PCDH15: variants seen among roughly 807,000 people sequenced by gnomAD.
The protein encoded by PCDH15 is protocadherin related 15, also known as protocadherin-15.
In PCDH15, 129 loss-of-function variants were observed where a neutral mutation model predicts 178.5. That is an observed-to-expected ratio of 0.72 (90% CI 0.63 to 0.84). The LOEUF is 0.84. PCDH15 is among the 40% of genes least tolerant of loss of function. The probability of loss-of-function intolerance (pLI) is 0.00; values close to 1 mark genes in which losing one functional copy is unlikely to be tolerated. For synonymous variants in PCDH15, 800 were observed against 732.0 expected (o/e 1.09, Z -1.50); for missense variants, 2,230 against 2,099.9 (o/e 1.06, Z -1.21).
intron 3 of PCDH15, among the ~76,000 whole-genome samples, chr10:54,838,427 C>G (rs972966875): frequency 2.6e-5 from 4 of 152,070 alleles, no homozygotes; most frequent in Non-Finnish European, 5.9e-5. Flanking sequence ...GGTGCCTTTG[C>G]TTCTCCTTCA....
At chr10:55,578,280 C>T (rs1280076988) in intron 2 of PCDH15, among the ~76,000 whole-genome samples, 3 of 151,982 alleles carry the variant, frequency 2.0e-5, no homozygotes, top group Admixed American at 1.3e-4. Flanking sequence ...TGCAGTGGCG[C>T]GAATTCAGCT....
intron 2 of PCDH15, among the ~76,000 whole-genome samples, chr10:55,592,793 G>C (rs752591967): frequency 6.6e-6 from 1 of 151,934 alleles, no homozygotes; most frequent in East Asian, 1.9e-4. Flanking sequence ...ATTTAATTAT[G>C]TAATATATTT....
At chr10:54,482,756 A>G (rs11819545) in intron 3 of PCDH15, among the ~76,000 whole-genome samples, 5,772 of 151,908 alleles carry the variant, frequency 0.038, 354 homozygotes, top group African/African-American at 0.13. Flanking sequence ...CTATGCCCAT[A>G]TATCACCCCT....
chr10:55,125,399 AT>A (rs1418226645), intron 2 of PCDH15, among the ~76,000 whole-genome samples: 1 of 152,040 alleles, frequency 6.6e-6, no homozygotes, highest in African/African-American at 2.4e-5. Flanking sequence ...CTGGAGAGGC[AT>A]TCAATTAAAA....
chr10:54,586,223 A>G (rs1203905408), intron 2 of PCDH15, among the ~76,000 whole-genome samples: 6 of 152,174 alleles, frequency 3.9e-5, no homozygotes, highest in Non-Finnish European at 2.9e-5. Context: ...ATTTTGACAG[A>G]TTAAAAAGTG....
chr10:53,852,111 C>G (rs1482992497), intron 28 of PCDH15, among the ~76,000 whole-genome samples: 2 of 151,898 alleles, frequency 1.3e-5, no homozygotes, highest in African/African-American at 2.4e-5. Flanking sequence ...AATTTTAGAA[C>G]CACAGATTCC....
intron 3 of PCDH15, among the ~76,000 whole-genome samples, chr10:54,428,643 T>A (rs1030423968): frequency 6.6e-5 from 10 of 151,912 alleles, no homozygotes; most frequent in African/African-American, 2.4e-4. Flanking sequence ...CATTCGATAA[T>A]CATACTCCCA....
At chr10:55,252,972 G>T (rs979068169) in intron 1 of PCDH15, among the ~76,000 whole-genome samples, 1 of 152,038 alleles carries the variant, frequency 6.6e-6, no homozygotes, top group Non-Finnish European at 1.5e-5. Context: ...ATAAATTTTT[G>T]TCCAATCATG....
intron 8 of PCDH15, among the ~76,000 whole-genome samples, chr10:54,279,536 CT>C (rs1406685358): frequency 2.0e-5 from 3 of 151,662 alleles, no homozygotes; most frequent in African/African-American, 7.2e-5. Context: ...AAGAAAACTA[CT>C]TTACTTTGTT....
intron 6 of PCDH15, among the ~76,000 whole-genome samples, chr10:54,334,432 GCAC>G (rs1940591748): frequency 6.6e-6 from 1 of 152,104 alleles, no homozygotes; most frequent in Non-Finnish European, 1.5e-5. Context: ...ATATGGGTTT[GCAC>G]CAGTTTAGAT....
At position 54,096,936 on chromosome 10, in the gene PCDH15, C is replaced by T. The variant is rs1451192294; in HGVS notation, c.1918-6873G>A. On this transcript the variant is annotated intron_variant, in intron 15 of 37. Transcript: ENST00000644397. ...AATGACAAATCAATGTTTCCAGTTA[C>T]TCAAGCTGTATCTTAATACCTATTC... Among the ~76,000 whole-genome samples, 3 of 152,204 alleles carry T rather than the reference C, an allele frequency of 2.0e-5. No homozygotes were observed. The East Asian group carries it at 5.8e-4, about 29-fold the overall frequency.
intron 1 of PCDH15, among the ~76,000 whole-genome samples, chr10:54,715,678 C>T (rs1316268307): frequency 1.3e-5 from 2 of 152,012 alleles, no homozygotes; most frequent in African/African-American, 4.8e-5. Context: ...CCATTCTTTT[C>T]CCACACAGAC....
intron 18 of PCDH15, among the ~76,000 whole-genome samples, chr10:54,043,769 C>T (rs2093599930): frequency 6.6e-6 from 1 of 152,094 alleles, no homozygotes; most frequent in Admixed American, 6.6e-5. Flanking sequence ...GAGAGCTGGT[C>T]TGGGCACATG....
At chr10:55,563,632 A>G (rs1441416547) in intron 2 of PCDH15, among the ~76,000 whole-genome samples, 2 of 151,942 alleles carry the variant, frequency 1.3e-5, no homozygotes, top group African/African-American at 4.8e-5. Flanking sequence ...AAACAGATAA[A>G]GCAAAATAGA....
At chr10:55,491,106 G>C (rs1239791300) in intron 2 of PCDH15, among the ~76,000 whole-genome samples, 1 of 151,752 alleles carries the variant, frequency 6.6e-6, no homozygotes, top group Non-Finnish European at 1.5e-5. Flanking sequence ...TGGCATTTCA[G>C]TCACAATCTG....
rs372728103 is a variant in PCDH15 at position 55,443,511 on chromosome 10, G to A, written c.-156+184114C>T. 5.2e-3 allele frequency among the ~76,000 whole-genome samples: 795 copies of A among 152,062 alleles called. 8 individuals carry two copies. Among genetic ancestry groups the A allele is most frequent in the African/African-American group, 0.018 (755 of 41,500 alleles). On this transcript the variant is annotated intron_variant, in intron 2 of 5. Transcript: ENST00000613346. ...ACTTCTCAAAAGAAGACATTATTGC[G>A]GCCAAAAACCATATGAAATAAAAGC...
intron 3 of PCDH15, among the ~76,000 whole-genome samples, chr10:54,478,898 G>T (rs367891970): frequency 9.5e-4 from 144 of 150,786 alleles, no homozygotes; most frequent in African/African-American, 3.4e-3. Flanking sequence ...AGGCAAAATA[G>T]AAATAACAGA....
In PCDH15 at chr10:54,378,917, C is replaced by A. The variant is rs1756531469; in HGVS notation, c.183G>T (p.Leu61=). ...RNGTILVDNM[L]IKGTAGGPDP... ...CTGGTCCTCCAGCAGTCCCTTTGAT[C>A]AGCATGTTGTCCACCAGAATTGTAC... is the stretch of plus-strand genomic sequence containing the variant. Residue 61 remains leucine (L), a synonymous_variant, in exon 4 of 38, where the codon CTG becomes CTT. Coordinates refer to ENST00000644397, the MANE Select transcript of PCDH15 (RefSeq NM_001384140.1). The A allele has an allele frequency of 7.4e-6, 12 of 1,613,642 alleles. No individual in the cohort carries two copies. Among genetic ancestry groups the A allele is most frequent in the Non-Finnish European group, 1.0e-5 (12 of 1,179,788 alleles).
At chr10:54,092,131 T>G (rs1312900141) in intron 15 of PCDH15, among the ~76,000 whole-genome samples, 1 of 152,198 alleles carries the variant, frequency 6.6e-6, no homozygotes, top group Non-Finnish European at 1.5e-5. Flanking sequence ...AGTAAGTACC[T>G]GCAACTCCAT....
Sources: allele counts gnomAD v4.1 joint callset (sites outside exome capture counted in the v4.1 genomes callset), GRCh38; gene constraint gnomAD v4.1.1; transcripts MANE v1.5; gene names NCBI Gene and HGNC (gene_info 2026-07-23, HGNC 2026-07-21).